The following RSPO4 variants were observed in gnomAD, a reference collection of about 807,000 sequenced individuals.
RSPO4 encodes the protein R-spondin-4.
Under a neutral mutation model 24.8 loss-of-function variants are expected in RSPO4, and 23 were observed. The observed-to-expected ratio is 0.93, with a 90% confidence interval of 0.67 to 1.31. RSPO4 has a LOEUF of 1.31. RSPO4 is among the 40% of genes most tolerant of loss of function. The pLI, the probability that RSPO4 is intolerant of heterozygous loss-of-function variation, is 0.00. For missense variants in RSPO4, 333 were observed against 316.5 expected, an observed-to-expected ratio of 1.05 and a Z score of -0.39; for synonymous variants, 141 against 127.4, an observed-to-expected ratio of 1.11 and a Z score of -0.72.
At position 964,777 on chromosome 20, in the gene RSPO4, C is replaced by CAT. The variant is rs1555795369; in HGVS notation, c.410-659_410-658dup. On this transcript the variant is annotated intron_variant, in intron 3 of 4. Coordinates refer to ENST00000217260, the MANE Select transcript of RSPO4 (RefSeq NM_001029871.4). ...ACACATATATATACACACACACACA[C>CAT]ATATATATATACACATATATACACA... Among the ~76,000 whole-genome samples, 22 of 139,978 alleles carry CAT rather than the reference C, an allele frequency of 1.6e-4. No individual in the cohort carries two copies. The South Asian group carries it at 1.8e-3, about 12-fold the overall frequency. 91.8% of individuals were successfully genotyped at this position (139,978 alleles called of 152,430 possible). A position where few individuals can be genotyped will look rare whatever the true frequency, so the allele number is the denominator to read the frequency against.
intron 1 of RSPO4, among the ~76,000 whole-genome samples, chr20:979,818 A>G (rs1036726557): frequency 3.3e-5 from 5 of 152,082 alleles, no homozygotes; most frequent in Non-Finnish European, 5.9e-5. Context: ...CTTCCCTGTG[A>G]TGCCCCCAGA....
intron 1 of RSPO4, among the ~76,000 whole-genome samples, chr20:978,528 C>A (rs1444165898): frequency 6.6e-6 from 1 of 152,180 alleles, no homozygotes; most frequent in African/African-American, 2.4e-5. Flanking sequence ...TTCATTATTT[C>A]TTAAATGAAT....
intron 1 of RSPO4, among the ~76,000 whole-genome samples, chr20:987,404 A>G (rs1255712032): frequency 1.3e-5 from 2 of 152,138 alleles, no homozygotes; most frequent in Non-Finnish European, 2.9e-5. Context: ...TAGGACTCCA[A>G]GGTTTGGGAT....
chr20:1,000,824 A>G (rs193192718), intron 1 of RSPO4, among the ~76,000 whole-genome samples: 6 of 152,190 alleles, frequency 3.9e-5, no homozygotes, highest in African/African-American at 7.2e-5. Flanking sequence ...CCCTTGTCCC[A>G]CTGTCACAGC....
intron 4 of RSPO4, among the ~76,000 whole-genome samples, chr20:961,999 T>C (rs1984014459): frequency 6.6e-6 from 1 of 151,530 alleles, no homozygotes; most frequent in African/African-American, 2.4e-5. Context: ...TATCCACCCA[T>C]CTACCTACCC....
chr20:986,867 A>G (rs1304141711), intron 1 of RSPO4, among the ~76,000 whole-genome samples: 1 of 152,180 alleles, frequency 6.6e-6, no homozygotes, highest in African/African-American at 2.4e-5. Context: ...AGAAAGACAA[A>G]TAGGACAATA....
intron 1 of RSPO4, among the ~76,000 whole-genome samples, chr20:992,743 C>T (rs1324588130): frequency 6.6e-6 from 1 of 152,224 alleles, no homozygotes; most frequent in Non-Finnish European, 1.5e-5. Context: ...GGACTGTCCA[C>T]AGCCCAAATC....
At chr20:985,136 TATCC>T (rs202072662) in intron 1 of RSPO4, among the ~76,000 whole-genome samples, 214 of 116,028 alleles carry the variant, frequency 1.8e-3, no homozygotes, top group Non-Finnish European at 2.2e-3. Flanking sequence ...CCCACTCATC[TATCC>T]ATCCATCCAT....
chr20:960,935 T>C (rs773193977), intron 4 of RSPO4, among the ~76,000 whole-genome samples: 1 of 152,216 alleles, frequency 6.6e-6, no homozygotes, highest in Non-Finnish European at 1.5e-5. Flanking sequence ...AAGCGCTCAC[T>C]GTATGCAGGC....
rs2122289501 is a variant in RSPO4, at chr20:1,002,032, C to G, written c.79+54G>C. ...AGCCGCCGCCCCCGGTCCTCCGGCC[C>G]CCGGTCTGCCCCGCAGCGCCTGCCC... On this transcript the variant is annotated intron_variant, in intron 1 of 4. Transcript: ENST00000217260. This position sits in a 1 kb window ranked among gnomAD's most constrained non-coding sequence, Gnocchi z 4.6. 6.8e-7 allele frequency: 1 copy of G among 1,475,844 alleles called. No individual in the cohort carries two copies. Among genetic ancestry groups the G allele is most frequent in the East Asian group, 2.5e-5 (1 of 40,064 alleles). 91.4% of individuals were successfully genotyped at this position (1,475,844 alleles called of 1,614,324 possible). A position where few individuals can be genotyped will look rare whatever the true frequency, so the allele number is the denominator to read the frequency against.
chr20:986,366 C>T (rs186320193), intron 1 of RSPO4, among the ~76,000 whole-genome samples: 1 of 152,048 alleles, frequency 6.6e-6, no homozygotes, highest in African/African-American at 2.4e-5. Flanking sequence ...TATCCCCATT[C>T]CTTCTTCTGC....
chr20:963,904 C>T (rs776763669), intron 4 of RSPO4, 31 bp downstream of exon 4: 126 of 1,610,070 alleles, frequency 7.8e-5, no homozygotes, highest in East Asian at 2.0e-4. Context: ...CCTTTCCCAC[C>T]GCAGCCTCGT....
At chr20:997,709 C>A (rs1054749665) in intron 1 of RSPO4, among the ~76,000 whole-genome samples, 2 of 152,200 alleles carry the variant, frequency 1.3e-5, no homozygotes, top group Non-Finnish European at 2.9e-5. Flanking sequence ...GTGCTGTCTG[C>A]CTGGCCCTCC....
chr20:995,286 G>A (rs764336175), intron 1 of RSPO4, among the ~76,000 whole-genome samples: 21 of 152,314 alleles, frequency 1.4e-4, no homozygotes, highest in Middle Eastern at 6.8e-3. Flanking sequence ...GAAGTCTACC[G>A]TAGGCAGGAT....
rs1985491037 is a variant in RSPO4, at chr20:1,002,154, G to A, written c.11C>T (p.Pro4Leu). The change falls in exon 1 of 5, where the codon CCA becomes CTA. Residue 4 changes from proline to leucine, a missense_variant. Physicochemically the swap from Pro to Leu is moderately conservative, Grantham distance 98 (BLOSUM62 -3). Coordinates refer to ENST00000217260, the MANE Select transcript of RSPO4 (RefSeq NM_001029871.4). This position sits in a 1 kb window ranked among gnomAD's most constrained non-coding sequence, Gnocchi z 4.6. ...GGCGACGAGCAGGAGCAGGCAGAGT[G>A]GCGCCCGCATCTGGGCAGCCGGATC... MRA[P>L]LCLLLLVAHA... The A allele has an allele frequency of 6.4e-7, 1 of 1,555,764 alleles. No homozygotes were observed. Among genetic ancestry groups the A allele is most frequent in the Admixed American group, 1.9e-5 (1 of 52,570 alleles).
intron 1 of RSPO4, among the ~76,000 whole-genome samples, chr20:990,796 T>G (rs1306292760): frequency 6.6e-6 from 1 of 152,166 alleles, no homozygotes; most frequent in Non-Finnish European, 1.5e-5. Flanking sequence ...AGCTGATGTC[T>G]CTCTTAGAGG....
At chr20:967,859 CCT>C in intron 2 of RSPO4, 89 bp downstream of exon 2, 1 of 1,279,372 alleles carries the variant, frequency 7.8e-7, no homozygotes, top group Non-Finnish European at 1.1e-6. Flanking sequence ...ACCTACTTCC[CCT>C]CTGTCTGTGC....
At chr20:998,986 T>TC (rs199702809) in intron 1 of RSPO4, among the ~76,000 whole-genome samples, 6 of 83,558 alleles carry the variant, frequency 7.2e-5, no homozygotes, top group Admixed American at 4.5e-4. Context: ...TCTCGCTCTC[T>TC]TTTTTTTTTT....
chr20:963,683 G>C (rs1219373337), intron 4 of RSPO4, among the ~76,000 whole-genome samples: 1 of 152,146 alleles, frequency 6.6e-6, no homozygotes, highest in Non-Finnish European at 1.5e-5. Flanking sequence ...TAAAAGGGGG[G>C]TGTTCAGTTT....
Sources: allele counts gnomAD v4.1 joint callset (sites outside exome capture counted in the v4.1 genomes callset), GRCh38; gene constraint gnomAD v4.1.1; non-coding constraint Gnocchi (gnomAD v3.1); transcripts MANE v1.5; gene names NCBI Gene and HGNC (gene_info 2026-07-23, HGNC 2026-07-21).